CAST: variants seen among roughly 807,000 people sequenced by gnomAD.
CAST encodes the protein MIR583 host.
A neutral mutation model predicts 119.6 loss-of-function variants in CAST; 76 were observed. The ratio of observed to expected loss-of-function variants is 0.64; its 90% confidence interval spans 0.53 to 0.77. The LOEUF is 0.77. CAST is among the 30% of genes least tolerant of loss of function. The pLI is 0.00. For missense variants in CAST, 953 were observed against 946.5 expected (o/e 1.01, Z -0.09); for synonymous variants, 319 against 331.6 (o/e 0.96, Z 0.41).
chr5:96,222,410 C>T, the CAST span, among the ~76,000 whole-genome samples: 1 of 151,798 alleles, frequency 6.6e-6, no homozygotes, highest in Non-Finnish European at 1.5e-5. Flanking sequence ...AACAACACAA[C>T]AATTAAAAAA....
the CAST span, among the ~76,000 whole-genome samples, chr5:96,441,771 G>A: frequency 6.6e-6 from 1 of 152,044 alleles, no homozygotes; most frequent in African/African-American, 2.4e-5. Flanking sequence ...GTCAAAAGGG[G>A]CACTTTTTTA....
intron 1 of CAST, among the ~76,000 whole-genome samples, chr5:96,551,480 A>G (rs1746124808): frequency 1.3e-5 from 2 of 152,216 alleles, no homozygotes; most frequent in Admixed American, 1.3e-4. Context: ...AATTGTAAAG[A>G]CCATCGACAC....
At chr5:96,026,620 G>T in the CAST span, among the ~76,000 whole-genome samples, 10 of 152,162 alleles carry the variant, frequency 6.6e-5, no homozygotes, top group Non-Finnish European at 1.5e-4. Flanking sequence ...CATCCCAAAT[G>T]AGAAAAGCAG....
chr5:96,104,331 A>T, the CAST span, among the ~76,000 whole-genome samples: 1 of 152,248 alleles, frequency 6.6e-6, no homozygotes, highest in African/African-American at 2.4e-5. Flanking sequence ...CTGAATGGTA[A>T]TGCCTAGGTT....
the CAST span, among the ~76,000 whole-genome samples, chr5:96,290,231 T>C: frequency 6.6e-6 from 1 of 152,200 alleles, no homozygotes; most frequent in Non-Finnish European, 1.5e-5. Flanking sequence ...TAGGGGCTTA[T>C]AGAATATCAA....
At position 96,730,784 on chromosome 5, in the gene CAST, AACC is replaced by A; in HGVS notation, c.557_559del (p.Pro186del). ...CTTTTATCCTCACTGTCTTAGACTA[AACC>A]ACAAGACATGATTTCTGCTGGTGGA... On this transcript the variant is annotated inframe_deletion, in exon 9 of 32. Coordinates refer to ENST00000675179, the MANE Select transcript of CAST (RefSeq NM_001750.7). 6.2e-7 allele frequency: 1 copy of A among 1,612,100 alleles called. No homozygotes were observed.
intron 2 of CAST, among the ~76,000 whole-genome samples, chr5:96,690,612 A>G (rs916442485): frequency 2.0e-5 from 3 of 152,196 alleles, no homozygotes; most frequent in African/African-American, 4.8e-5. Context: ...GAGCCAGCAT[A>G]TTGTATTTAC....
At chr5:95,994,052 C>G in the CAST span, among the ~76,000 whole-genome samples, 2 of 152,112 alleles carry the variant, frequency 1.3e-5, no homozygotes, top group Non-Finnish European at 2.9e-5. Flanking sequence ...GCAACTGGAA[C>G]TTCCTACTTT....
At chr5:96,366,261 T>C in the CAST span, among the ~76,000 whole-genome samples, 1 of 152,210 alleles carries the variant, frequency 6.6e-6, no homozygotes, top group Non-Finnish European at 1.5e-5. Context: ...GCGCTTAACA[T>C]TTTTTCCTTC....
chr5:96,617,623 A>G (rs1032894539), intron 1 of CAST, among the ~76,000 whole-genome samples: 1 of 151,234 alleles, frequency 6.6e-6, no homozygotes, highest in African/African-American at 2.4e-5. Context: ...CCCCGTCTCT[A>G]CTAAAAATAC....
chr5:96,722,128 C>T (rs902020676), intron 3 of CAST, among the ~76,000 whole-genome samples: 2 of 152,146 alleles, frequency 1.3e-5, no homozygotes, highest in African/African-American at 4.8e-5. Context: ...ATCTCAAATA[C>T]GACCCTGCAA....
At chr5:96,257,683 A>G in the CAST span, among the ~76,000 whole-genome samples, 9 of 152,330 alleles carry the variant, frequency 5.9e-5, no homozygotes, top group South Asian at 2.1e-4. Context: ...CAGCAATTTC[A>G]TGCATTGTTC....
At chr5:96,422,656 T>A in the CAST span, among the ~76,000 whole-genome samples, 1 of 152,172 alleles carries the variant, frequency 6.6e-6, no homozygotes, top group African/African-American at 2.4e-5. Context: ...GTGTTATAGC[T>A]GGGGAATGTT....
Position 96,629,450 on chromosome 5 carries a change from C to T in CAST, c.61-46089C>T, listed in dbSNP as rs139412099. Among the ~76,000 whole-genome samples, 219 of 152,278 alleles carry T rather than the reference C, an allele frequency of 1.4e-3. 1 individual carries two copies. The highest frequency in any genetic ancestry group is 5.1e-3 in the African/African-American group (211 of 41,558). ...GTGGGCCAAGACTTTGCCAAGCCTC[C>T]ATTTTGGTTCAGTTTCTCCCACAGC... is the stretch of plus-strand genomic sequence containing the variant. On this transcript the variant is annotated intron_variant, in intron 1 of 11. Coordinates refer to the CAST transcript ENST00000505143.
chr5:96,318,826 C>G, the CAST span: 1 of 152,156 alleles, frequency 6.6e-6, no homozygotes, highest in African/African-American at 2.4e-5. Flanking sequence ...TTGGTTTCCT[C>G]TTCTGGAAAA....
chr5:96,771,679 A>C lies in CAST; in HGVS notation c.2376A>C (p.Ter792TyrextTer5). ...AAACTTCCAAGCCAAAAGATGACTAAAGAAATACAAGTTAAGGTATCTGGT... is the reference window on the plus strand; with the variant it reads ...AAACTTCCAAGCCAAAAGATGACTACAGAAATACAAGTTAAGGTATCTGGT... ...TEETSKPKDD* is the reference protein window; with the variant it reads ...TEETSKPKDDY Residue 792 changes from the stop codon to tyrosine, a stop_lost, in exon 31 of 32, where the codon TAA becomes TAC. Transcript: ENST00000675179. 6.2e-7 allele frequency: 1 copy of C among 1,610,712 alleles called. No individual in the cohort carries two copies. Among genetic ancestry groups the C allele is most frequent in the South Asian group, 1.1e-5 (1 of 90,892 alleles).
the CAST span, chr5:96,400,162 C>T: frequency 6.8e-6 from 11 of 1,613,910 alleles, no homozygotes; most frequent in East Asian, 2.4e-4. Context: ...CCAGGTGCTG[C>T]ATATCTCGCC....
chr5:96,765,085 T>A, intron 25 of CAST, 136 bp from the exon 26 acceptor site: 1 of 652,782 alleles, frequency 1.5e-6, no homozygotes, highest in Non-Finnish European at 2.8e-6. Flanking sequence ...CCCTGTCTAC[T>A]CCCCTGCCCC....
the CAST span, among the ~76,000 whole-genome samples, chr5:96,396,189 A>G: frequency 2.0e-5 from 3 of 151,720 alleles, no homozygotes; most frequent in African/African-American, 7.3e-5. Context: ...ATCCTCAGAG[A>G]AAAAAATGTA....
Sources: allele counts gnomAD v4.1 joint callset (sites outside exome capture counted in the v4.1 genomes callset), GRCh38; gene constraint gnomAD v4.1.1; transcripts MANE v1.5; gene names NCBI Gene and HGNC (gene_info 2026-07-23, HGNC 2026-07-21).